The following FGGY variants were observed in gnomAD, a reference collection of about 807,000 sequenced individuals.
FGGY encodes the protein FGGY carbohydrate kinase domain containing.
Under a neutral mutation model 71.3 loss-of-function variants are expected in FGGY, and 72 were observed. That is an observed-to-expected ratio of 1.01 (90% CI 0.84 to 1.23). The LOEUF (loss-of-function observed/expected upper bound fraction) is 1.23. Among genes scored for constraint, FGGY ranks in the 50% most tolerant of loss-of-function variants. The pLI, the probability that FGGY is intolerant of heterozygous loss-of-function variation, is 0.00. For missense variants in FGGY, 668 were observed against 682.3 expected (o/e 0.98, Z 0.23); for synonymous variants, 251 against 250.3 (o/e 1.00, Z -0.02).
chr1:59,324,027 C>T (rs1204271221), intron 2 of FGGY, among the ~76,000 whole-genome samples: 1 of 152,142 alleles, frequency 6.6e-6, no homozygotes, highest in Non-Finnish European at 1.5e-5. Context: ...ATGTCCTGGT[C>T]TGTCTTTTCT....
intron 13 of FGGY, among the ~76,000 whole-genome samples, chr1:59,668,557 C>T (rs2097346113): frequency 6.6e-6 from 1 of 152,362 alleles, no homozygotes; most frequent in Admixed American, 6.5e-5. Flanking sequence ...ACACAGATTC[C>T]TGCAGATGAG....
chr1:59,757,002 G>T (rs2098297234), intron 14 of FGGY, among the ~76,000 whole-genome samples: 1 of 151,798 alleles, frequency 6.6e-6, no homozygotes, highest in Non-Finnish European at 1.5e-5. Context: ...AGAGTGTGTG[G>T]TACATAGTAA....
chr1:59,499,299 G>GTTTTTTGTTTTTT (rs2094146326), intron 6 of FGGY, among the ~76,000 whole-genome samples: 2 of 105,800 alleles, frequency 1.9e-5, no homozygotes, highest in Admixed American at 1.1e-4. Flanking sequence ...TACTATGTTT[G>GTTTTTTGTTTTTT]TTTTTTTTTT....
chr1:59,476,496 C>T (rs987615288), intron 6 of FGGY, among the ~76,000 whole-genome samples: 3 of 152,200 alleles, frequency 2.0e-5, no homozygotes, highest in Non-Finnish European at 4.4e-5. Context: ...GCCTGGGCTG[C>T]GCTGATACAG....
chr1:59,346,115 ATT>A, intron 3 of FGGY, 130 bp from the exon 4 acceptor site: 1 of 1,209,212 alleles, frequency 8.3e-7, no homozygotes, highest in Middle Eastern at 2.9e-4. Flanking sequence ...GTGTCCTTTC[ATT>A]TTGCACACTC....
At chr1:59,708,792 C>T (rs2097773527) in intron 14 of FGGY, among the ~76,000 whole-genome samples, 1 of 152,184 alleles carries the variant, frequency 6.6e-6, no homozygotes, top group Non-Finnish European at 1.5e-5. Context: ...ATCCAACATG[C>T]TCCAAAATCT....
chr1:59,565,383 C>G (rs1331392487), intron 8 of FGGY, among the ~76,000 whole-genome samples: 1 of 152,110 alleles, frequency 6.6e-6, no homozygotes, highest in Non-Finnish European at 1.5e-5. Flanking sequence ...CTCCCGGGTT[C>G]ACGCCAGTCT....
intron 8 of FGGY, among the ~76,000 whole-genome samples, chr1:59,601,765 G>A (rs1311285138): frequency 6.6e-6 from 1 of 152,142 alleles, no homozygotes; most frequent in Non-Finnish European, 1.5e-5. Context: ...ATCTTTTCAT[G>A]TTTAAAACAG....
chr1:59,503,753 A>G (rs761341631), intron 6 of FGGY, among the ~76,000 whole-genome samples: 1 of 151,570 alleles, frequency 6.6e-6, no homozygotes, highest in Non-Finnish European at 1.5e-5. Context: ...TGAAAAAAAT[A>G]TGTATAATAA....
intron 5 of FGGY, among the ~76,000 whole-genome samples, chr1:59,450,366 T>A (rs967306961): frequency 6.6e-6 from 1 of 152,190 alleles, no homozygotes; most frequent in Non-Finnish European, 1.5e-5. Context: ...TTAAATTCAA[T>A]TTTTTTAAAG....
rs1277333355 is a variant in FGGY at position 59,507,598 on chromosome 1, C to T, written c.671-4713C>T. Among the ~76,000 whole-genome samples, 4 of 151,710 alleles carry T rather than the reference C, an allele frequency of 2.6e-5. No homozygotes were observed. In the East Asian group the frequency reaches 7.7e-4, roughly 29 times the overall value. On this transcript the variant is annotated intron_variant, in intron 6 of 15. Transcript: ENST00000303721. ...GTGGCGCAATCTCGGCTTACTGCAA[C>T]CTCTGCCTTCCTGGGTTCAAGCGAT...
At chr1:59,717,349 T>G (rs2097852945) in intron 14 of FGGY, among the ~76,000 whole-genome samples, 1 of 152,090 alleles carries the variant, frequency 6.6e-6, no homozygotes, top group African/African-American at 2.4e-5. Context: ...TGGACTCAGA[T>G]GGAAAGTGCC....
At chr1:59,512,469 A>G in intron 7 of FGGY, 30 bp downstream of exon 7, 1 of 1,604,786 alleles carries the variant, frequency 6.2e-7, no homozygotes, top group Non-Finnish European at 8.5e-7. Context: ...CTACAGCCAA[A>G]ACCGTATTCA....
chr1:59,536,889 C>T (rs1054002793), intron 7 of FGGY, among the ~76,000 whole-genome samples: 4 of 152,002 alleles, frequency 2.6e-5, no homozygotes, highest in Admixed American at 6.6e-5. Flanking sequence ...CAGCCAATAT[C>T]ATACTGAATG....
At chr1:59,396,814 A>G (rs534045092) in intron 5 of FGGY, among the ~76,000 whole-genome samples, 44 of 152,326 alleles carry the variant, frequency 2.9e-4, no homozygotes, top group Admixed American at 5.9e-4. Flanking sequence ...TGAGCACTCA[A>G]TTCATGCTTG....
intron 8 of FGGY, among the ~76,000 whole-genome samples, chr1:59,573,458 ATATGTTCATATATATACACACATG>A (rs893407326): frequency 6.6e-6 from 1 of 152,024 alleles, no homozygotes; most frequent in African/African-American, 2.4e-5. Flanking sequence ...GTGTGTATAT[ATATGTTCATATATATACACACATG>A]TATGTTCATA....
intron 2 of FGGY, among the ~76,000 whole-genome samples, chr1:59,324,266 CTTTTTTTTTT>C (rs71046329): frequency 3.3e-4 from 26 of 78,134 alleles, no homozygotes; most frequent in Middle Eastern, 7.7e-3. Flanking sequence ...ATAATAACTA[CTTTTTTTTTT>C]TTTTTTTTTT....
At chr1:59,719,007 A>G (rs2097864860) in intron 14 of FGGY, among the ~76,000 whole-genome samples, 1 of 152,154 alleles carries the variant, frequency 6.6e-6, no homozygotes, top group Admixed American at 6.6e-5. Context: ...TCTTTTGTTC[A>G]AGGTCACACC....
chr1:59,439,734 C>A (rs1483543280), intron 5 of FGGY, among the ~76,000 whole-genome samples: 1 of 152,150 alleles, frequency 6.6e-6, no homozygotes, highest in Non-Finnish European at 1.5e-5. Context: ...GATGGTTATT[C>A]CATTATTCCA....
Sources: gnomAD v4.1 joint callset for allele counts (sites outside exome capture counted in the v4.1 genomes callset) on GRCh38, gnomAD v4.1.1 for gene constraint, MANE v1.5 for transcripts, NCBI Gene and HGNC (gene_info 2026-07-23, HGNC 2026-07-21) for gene names.